The following CREB3L1 variants were observed in gnomAD, a reference collection of about 807,000 sequenced individuals.
CREB3L1 encodes cAMP responsive element binding protein 3 like 1.
CREB3L1 carries 33 observed loss-of-function variants against 54.5 expected under a neutral mutation model. The ratio of observed to expected loss-of-function variants is 0.61; its 90% CI spans 0.46 to 0.81. CREB3L1 has a LOEUF of 0.81. Ranked by LOEUF, CREB3L1 falls within the 30% of genes least tolerant of loss-of-function variation. The pLI is 0.00. For synonymous variants in CREB3L1, 284 were observed against 286.4 expected (o/e 0.99, Z 0.08); for missense variants, 656 against 673.3 (o/e 0.97, Z 0.29).
chr11:46,310,077 T>C lies in CREB3L1; in HGVS notation c.595+10T>C. The stretch of plus-strand genomic sequence containing the variant: ...CTCAAAGTGACACCGGGTAGGTGTG[T>C]CCAGGGGAAGGGCTCTTTTCCCCTC... On this transcript the variant is annotated intron_variant, in intron 4 of 11. Coordinates refer to ENST00000621158, the MANE Select transcript of CREB3L1 (RefSeq NM_052854.4). 1 of 1,570,918 alleles carries C rather than the reference T, an allele frequency of 6.4e-7. No individual in the cohort carries two copies. The highest frequency in any genetic ancestry group is 8.7e-7 in the Non-Finnish European group (1 of 1,155,284).
intron 4 of CREB3L1, 57 bp downstream of exon 4, chr11:46,310,124 C>A: frequency 7.7e-7 from 1 of 1,303,912 alleles, no homozygotes; most frequent in South Asian, 1.3e-5. Context: ...AGATAGCATC[C>A]CCACTTCCTT....
In CREB3L1 at chr11:46,316,307, G is replaced by A. The variant is rs1301349701; in HGVS notation, c.1053G>A (p.Gln351=). ...TCAGGACCCTGCTCCAGCAGCTGCAGAAACTCCAGACTCTGGTCACCAACA... is the reference window on the plus strand; with the variant it reads ...TCAGGACCCTGCTCCAGCAGCTGCAAAAACTCCAGACTCTGGTCACCAACA... ...NANRTLLQQL[Q]KLQTLVTNKI... is the part of the protein sequence containing the mutation. Residue 351 remains glutamine (Q), a synonymous_variant, in exon 9 of 12, where the codon CAG becomes CAA. Transcript: ENST00000621158. The A allele has an allele frequency of 6.4e-7, 1 of 1,569,952 alleles. No homozygotes were observed. Among genetic ancestry groups the A allele is most frequent in the South Asian group, 1.2e-5 (1 of 85,094 alleles).
At chr11:46,284,734 T>C (rs76079381) in intron 1 of CREB3L1, among the ~76,000 whole-genome samples, 6,032 of 151,876 alleles carry the variant, frequency 0.04, 391 homozygotes, top group African/African-American at 0.14. Flanking sequence ...TTATTATCCA[T>C]TGTGCACTCT....
At chr11:46,298,021 C>G (rs765700479) in intron 1 of CREB3L1, among the ~76,000 whole-genome samples, 3 of 152,162 alleles carry the variant, frequency 2.0e-5, no homozygotes, top group Non-Finnish European at 4.4e-5. Flanking sequence ...GAGGTAGGAA[C>G]TATTATTTTC....
chr11:46,282,114 T>C (rs543528189), intron 1 of CREB3L1, among the ~76,000 whole-genome samples: 1 of 152,254 alleles, frequency 6.6e-6, no homozygotes, highest in African/African-American at 2.4e-5. Context: ...CTAACAACCG[T>C]TGATGAATGA....
chr11:46,305,249 GCC>G (rs1437128384), intron 2 of CREB3L1, among the ~76,000 whole-genome samples: 1 of 152,152 alleles, frequency 6.6e-6, no homozygotes, highest in African/African-American at 2.4e-5. Context: ...ATGCCTGCCA[GCC>G]CTATTGCCCA....
Position 46,312,372 on chromosome 11 carries a change from G to A in CREB3L1, c.801G>A (p.Lys267=). Residue 267 remains lysine (K), a synonymous_variant, in exon 6 of 12, where the codon AAG becomes AAA. Transcript: ENST00000621158. ...CACTGCTCCTGACAGAGGAGGAGAA[G>A]CGGACCCTGATTGCTGAGGGCTACC... is the stretch of plus-strand genomic sequence containing the variant. ...SGPLLLTEEE[K]RTLIAEGYPI... The A allele has an allele frequency of 6.2e-7, 1 of 1,613,202 alleles. No individual in the cohort carries two copies. The highest frequency in any genetic ancestry group is 1.1e-5 in the South Asian group (1 of 90,944).
chr11:46,305,227 G>A (rs1939362638), intron 2 of CREB3L1, among the ~76,000 whole-genome samples: 1 of 152,166 alleles, frequency 6.6e-6, no homozygotes, highest in African/African-American at 2.4e-5. Flanking sequence ...GCACCCATCA[G>A]GAAAAGGGGT....
In CREB3L1 at chr11:46,310,330, C is replaced by T. The variant is rs146944497; in HGVS notation, c.595+263C>T. 0.022 allele frequency among the ~76,000 whole-genome samples: 3,323 copies of T among 152,148 alleles called. 119 individuals are homozygous for T. Among genetic ancestry groups the T allele is most frequent in the African/African-American group, 0.075 (3,123 of 41,464 alleles). On this transcript the variant is annotated intron_variant, in intron 4 of 11. Coordinates refer to ENST00000621158, the MANE Select transcript of CREB3L1 (RefSeq NM_052854.4). ...TCACCCAGGCTGGAGTACCATGGCACGATCTCAGCTCACTGCAACCTCCCC... is the reference window on the plus strand; with the variant it reads ...TCACCCAGGCTGGAGTACCATGGCATGATCTCAGCTCACTGCAACCTCCCC...
chr11:46,305,748 T>TA (rs1566187929), intron 2 of CREB3L1, among the ~76,000 whole-genome samples: 1 of 133,696 alleles, frequency 7.5e-6, no homozygotes, highest in Non-Finnish European at 1.6e-5. Context: ...ATATATATAT[T>TA]TTTTTTTAAG....
chr11:46,290,958 G>A (rs1939121445), intron 1 of CREB3L1, among the ~76,000 whole-genome samples: 1 of 152,158 alleles, frequency 6.6e-6, no homozygotes, highest in Non-Finnish European at 1.5e-5. Context: ...CCACTGGCCT[G>A]GGGGCCACTT....
At chr11:46,299,872 C>A in intron 1 of CREB3L1, 63 bp from the exon 2 acceptor site, 2 of 1,216,540 alleles carry the variant, frequency 1.6e-6, no homozygotes, top group Non-Finnish European at 2.4e-6. Flanking sequence ...ACCACAGTAG[C>A]ACCTGCACCC....
At chr11:46,285,129 A>G (rs971571649) in intron 1 of CREB3L1, among the ~76,000 whole-genome samples, 59 of 152,162 alleles carry the variant, frequency 3.9e-4, no homozygotes, top group African/African-American at 1.4e-3. Flanking sequence ...AGAGGGGAGC[A>G]TAAAGGACAT....
chr11:46,317,241 G>C lies in CREB3L1; in HGVS notation c.1132-120G>C, dbSNP rs1939580637. ...GAGGGAGTGGTCGACTGGAGCAGCT[G>C]CTTCCTTGGGAAAACGCTAAGACTT... On this transcript the variant is annotated intron_variant, in intron 9 of 11. Transcript: ENST00000621158. 2.3e-6 allele frequency: 3 copies of C among 1,333,130 alleles called. No homozygotes were observed. In the Admixed American group the frequency reaches 5.8e-5, roughly 26 times the overall value. 82.6% of individuals were successfully genotyped at this position (1,333,130 alleles called of 1,614,324 possible). A position where few individuals can be genotyped will look rare whatever the true frequency, so the allele number is the denominator to read the frequency against.
intron 4 of CREB3L1, chr11:46,310,813 G>T: frequency 1.9e-6 from 1 of 524,662 alleles, no homozygotes. Context: ...GGGCCTCTGT[G>T]GTGTCAGATG....
intron 1 of CREB3L1, among the ~76,000 whole-genome samples, chr11:46,296,770 T>TC (rs1415612562): frequency 6.7e-6 from 1 of 150,016 alleles, no homozygotes; most frequent in Non-Finnish European, 1.5e-5. Flanking sequence ...TTGGCCGCCC[T>TC]CCCCTTCCAC....
rs993184081 is a variant in CREB3L1 at position 46,313,455 on chromosome 11, G to T, written c.1031+536G>T. 3.3e-5 allele frequency among the ~76,000 whole-genome samples: 5 copies of T among 152,226 alleles called. No homozygotes were observed. The East Asian group carries it at 9.6e-4, about 29-fold the overall frequency. On this transcript the variant is annotated intron_variant, in intron 8 of 11. Coordinates refer to ENST00000621158, the MANE Select transcript of CREB3L1 (RefSeq NM_052854.4). ...TAATCTCAGCACTTTGGGAGGATGA[G>T]GGGGGTGGATCATTTGAGGTTAGGA...
intron 5 of CREB3L1, among the ~76,000 whole-genome samples, chr11:46,311,674 T>G (rs1056035952): frequency 9.9e-5 from 15 of 152,158 alleles, no homozygotes; most frequent in Admixed American, 3.3e-4. Flanking sequence ...ATTTATGTAC[T>G]TTTAGTAGAG....
intron 1 of CREB3L1, among the ~76,000 whole-genome samples, chr11:46,283,165 T>A (rs1345233917): frequency 6.6e-6 from 1 of 152,164 alleles, no homozygotes; most frequent in Admixed American, 6.5e-5. Context: ...CACTCCAGCC[T>A]GGGCAACAAA....
Sources: allele counts gnomAD v4.1 joint callset (sites outside exome capture counted in the v4.1 genomes callset), GRCh38; gene constraint gnomAD v4.1.1; transcripts MANE v1.5; gene names NCBI Gene and HGNC (gene_info 2026-07-23, HGNC 2026-07-21).